Variants in UIMC1 observed in about 807,000 individuals in gnomAD.
UIMC1 encodes ubiquitin interaction motif containing 1.
In UIMC1, 42 loss-of-function variants were observed where a neutral mutation model predicts 84.9. The observed-to-expected ratio is 0.49, with a 90% CI of 0.39 to 0.64. UIMC1 has a LOEUF of 0.64. UIMC1 is among the 30% of genes least tolerant of loss of function. UIMC1 has a pLI of 0.00. For missense variants in UIMC1, 825 were observed against 847.6 expected (o/e 0.97, Z 0.33); for synonymous variants, 281 against 293.0 (o/e 0.96, Z 0.42).
intron 1 of UIMC1, among the ~76,000 whole-genome samples, chr5:176,990,618 A>G (rs1772684267): frequency 6.6e-6 from 1 of 152,186 alleles, no homozygotes; most frequent in Non-Finnish European, 1.5e-5. Context: ...AATGGAAAAA[A>G]CACATGCAAC....
At chr5:176,920,851 T>C (rs905260098) in intron 10 of UIMC1, among the ~76,000 whole-genome samples, 1 of 152,218 alleles carries the variant, frequency 6.6e-6, no homozygotes, top group African/African-American at 2.4e-5. Flanking sequence ...ATCCTTGTCT[T>C]GTTTCTGATT....
At chr5:176,931,169 A>G (rs1763041028) in intron 10 of UIMC1, among the ~76,000 whole-genome samples, 1 of 152,200 alleles carries the variant, frequency 6.6e-6, no homozygotes, top group Non-Finnish European at 1.5e-5. Context: ...CCTTATATTA[A>G]TAGATAATTA....
intron 1 of UIMC1, among the ~76,000 whole-genome samples, chr5:177,005,338 GTGCTGGGAGTATAGGAGTGAGCC>G (rs1775103981): frequency 1.3e-5 from 2 of 152,062 alleles, no homozygotes; most frequent in Admixed American, 1.3e-4. Context: ...GCCTCTCAAA[GTGCTGGGAGTATAGGAGTGAGCC>G]ACCAGGCCCG....
At chr5:177,000,231 G>A (rs560548573) in intron 1 of UIMC1, among the ~76,000 whole-genome samples, 83 of 151,982 alleles carry the variant, frequency 5.5e-4, no homozygotes, top group Non-Finnish European at 6.5e-4. Context: ...TGGGATTACC[G>A]GCATAAGCCA....
At chr5:176,970,547 T>C (rs1277888433) in intron 4 of UIMC1, 195 bp downstream of exon 4, 4 of 780,364 alleles carry the variant, frequency 5.1e-6, no homozygotes, top group African/African-American at 3.5e-5. Context: ...AACTCTTTCA[T>C]ATAGAATTAA....
At chr5:177,016,311 C>A (rs1166927430) in intron 1 of UIMC1, among the ~76,000 whole-genome samples, 1 of 151,672 alleles carries the variant, frequency 6.6e-6, no homozygotes, top group Non-Finnish European at 1.5e-5. Flanking sequence ...TTGCAGTGAG[C>A]CGAGATCATG....
intron 3 of UIMC1, among the ~76,000 whole-genome samples, chr5:176,972,370 C>T (rs1450581955): frequency 6.6e-6 from 1 of 150,686 alleles, no homozygotes; most frequent in African/African-American, 2.4e-5. Flanking sequence ...CACTGCACTC[C>T]AGCCTAGGCA....
chr5:177,012,456 G>T (rs1176960378), intron 1 of UIMC1, among the ~76,000 whole-genome samples: 2 of 152,132 alleles, frequency 1.3e-5, no homozygotes, highest in Non-Finnish European at 1.5e-5. Flanking sequence ...CCGGCACTTT[G>T]GGAGGCTGGG....
chr5:176,965,460 T>G (rs1367526718), intron 6 of UIMC1, among the ~76,000 whole-genome samples: 1 of 151,982 alleles, frequency 6.6e-6, no homozygotes, highest in Non-Finnish European at 1.5e-5. Flanking sequence ...CGCTTCCTTA[T>G]AAAGTCCTCT....
intron 1 of UIMC1, among the ~76,000 whole-genome samples, chr5:176,988,589 G>C (rs1283127591): frequency 6.6e-6 from 1 of 151,782 alleles, no homozygotes; most frequent in Admixed American, 6.6e-5. Flanking sequence ...TCTGGAATTA[G>C]AAAGTGGTAA....
intron 10 of UIMC1, among the ~76,000 whole-genome samples, chr5:176,936,383 T>C (rs1763716473): frequency 6.6e-6 from 1 of 152,210 alleles, no homozygotes; most frequent in Non-Finnish European, 1.5e-5. Flanking sequence ...TCTTCTACTT[T>C]ATCATAGTGC....
intron 1 of UIMC1, among the ~76,000 whole-genome samples, chr5:176,996,459 T>A (rs56682653): frequency 6.6e-6 from 1 of 152,202 alleles, no homozygotes; most frequent in South Asian, 2.1e-4. Flanking sequence ...GTTACCATCA[T>A]GACCATGTAA....
intron 2 of UIMC1, among the ~76,000 whole-genome samples, chr5:176,981,344 C>T (rs912408229): frequency 6.6e-6 from 1 of 152,006 alleles, no homozygotes; most frequent in Non-Finnish European, 1.5e-5. Flanking sequence ...TGGGATTTCA[C>T]TGTGGTAACC....
chr5:176,995,600 T>C lies in UIMC1; in HGVS notation c.-9+11050A>G, dbSNP rs1304376830. Among the ~76,000 whole-genome samples, 3 of 149,196 alleles carry C rather than the reference T, an allele frequency of 2.0e-5. No homozygotes were observed. The East Asian group carries it at 5.9e-4, about 29-fold the overall frequency. ...GGCTCACACCTGTAATCCTAGCACT[T>C]TGGGAGTCCAAGGCGGGTGGATCAC... is the stretch of plus-strand genomic sequence containing the variant. On this transcript the variant is annotated intron_variant, in intron 1 of 14. Transcript: ENST00000511320.
chr5:176,910,680 T>C (rs1488780372), intron 11 of UIMC1, among the ~76,000 whole-genome samples: 1 of 152,056 alleles, frequency 6.6e-6, no homozygotes. Flanking sequence ...AATAAGCAAA[T>C]TAAAGAAAAC....
At chr5:176,974,276 T>C (rs909523963) in intron 3 of UIMC1, among the ~76,000 whole-genome samples, 1 of 152,144 alleles carries the variant, frequency 6.6e-6, no homozygotes, top group African/African-American at 2.4e-5. Context: ...GACCCATGCA[T>C]TGATTTTCAA....
At chr5:176,935,274 A>G (rs1344457419) in intron 10 of UIMC1, among the ~76,000 whole-genome samples, 2 of 151,498 alleles carry the variant, frequency 1.3e-5, no homozygotes, top group African/African-American at 4.9e-5. Context: ...TTTCCTACAC[A>G]CTCTTCACAT....
chr5:176,948,707 A>G (rs1765443852), intron 9 of UIMC1, among the ~76,000 whole-genome samples: 1 of 152,250 alleles, frequency 6.6e-6, no homozygotes, highest in African/African-American at 2.4e-5. Context: ...ATAGCTGCCT[A>G]GTGAATGAGT....
At chr5:176,912,327 A>C (rs1760321988) in intron 10 of UIMC1, among the ~76,000 whole-genome samples, 2 of 152,154 alleles carry the variant, frequency 1.3e-5, no homozygotes, top group Non-Finnish European at 2.9e-5. Flanking sequence ...TTCCAATAAA[A>C]CTTTATCTAC....
Sources: gnomAD v4.1 joint callset for allele counts (sites outside exome capture counted in the v4.1 genomes callset) on GRCh38, gnomAD v4.1.1 for gene constraint, MANE v1.5 for transcripts, NCBI Gene and HGNC (gene_info 2026-07-23, HGNC 2026-07-21) for gene names.